PDHX: variants seen among roughly 807,000 people sequenced by gnomAD.
PDHX encodes pyruvate dehydrogenase complex component X.
In PDHX, 33 loss-of-function variants were observed where a neutral mutation model predicts 55.3. The ratio of observed to expected loss-of-function variants is 0.60; its 90% CI spans 0.45 to 0.80. The LOEUF (loss-of-function observed/expected upper bound fraction) is 0.80, where lower values mean the gene tolerates loss of function less well. Ranked by LOEUF, PDHX falls within the 30% of genes least tolerant of loss-of-function variation. PDHX has a pLI of 0.00. For synonymous variants in PDHX, 226 were observed against 219.4 expected, an observed-to-expected ratio of 1.03 and a Z score of -0.27; for missense variants, 622 against 619.9, an observed-to-expected ratio of 1.00 and a Z score of -0.04.
At chr11:34,945,193 A>G (rs908309554) in intron 2 of PDHX, among the ~76,000 whole-genome samples, 1 of 152,174 alleles carries the variant, frequency 6.6e-6, no homozygotes, top group African/African-American at 2.4e-5. Flanking sequence ...GAATATATCA[A>G]AGTTGTTAGC....
intron 3 of PDHX, among the ~76,000 whole-genome samples, chr11:34,955,630 A>T (rs1407120350): frequency 6.6e-6 from 1 of 152,190 alleles, no homozygotes; most frequent in Non-Finnish European, 1.5e-5. Context: ...AAAAATTGAA[A>T]TGATGATAAA....
chr11:34,924,188 ATAAC>A (rs1853962892), intron 1 of PDHX, among the ~76,000 whole-genome samples: 1 of 152,208 alleles, frequency 6.6e-6, no homozygotes, highest in African/African-American at 2.4e-5. Flanking sequence ...TCAAAAATAA[ATAAC>A]TAACATTTTT....
At chr11:34,952,109 C>T (rs1854787664) in intron 3 of PDHX, among the ~76,000 whole-genome samples, 1 of 152,064 alleles carries the variant, frequency 6.6e-6, no homozygotes, top group African/African-American at 2.4e-5. Flanking sequence ...GGATAAATTC[C>T]TCGACACATA....
chr11:34,936,624 CTGGCTGCAT>C (rs1452210044), intron 2 of PDHX, among the ~76,000 whole-genome samples: 1 of 151,818 alleles, frequency 6.6e-6, no homozygotes, highest in Non-Finnish European at 1.5e-5. Flanking sequence ...GCAGGTAGGT[CTGGCTGCAT>C]TGGGGACATA....
intron 1 of PDHX, among the ~76,000 whole-genome samples, chr11:34,922,350 A>C (rs1423511325): frequency 6.6e-6 from 1 of 152,174 alleles, no homozygotes; most frequent in Non-Finnish European, 1.5e-5. Context: ...ATTTGTTGAG[A>C]GCTTACTATA....
At chr11:34,965,524 A>G (rs982810450) in intron 5 of PDHX, among the ~76,000 whole-genome samples, 1 of 152,172 alleles carries the variant, frequency 6.6e-6, no homozygotes, top group Non-Finnish European at 1.5e-5. Context: ...GGAGCCTCAT[A>G]TATCTATAAA....
At chr11:34,921,214 T>C (rs1393865013) in intron 1 of PDHX, among the ~76,000 whole-genome samples, 1 of 152,178 alleles carries the variant, frequency 6.6e-6, no homozygotes, top group Admixed American at 6.5e-5. Flanking sequence ...ACCATAATTA[T>C]TCCATCTATT....
intron 1 of PDHX, among the ~76,000 whole-genome samples, chr11:34,928,398 G>A (rs551431505): frequency 6.7e-6 from 1 of 148,592 alleles, no homozygotes; most frequent in Non-Finnish European, 1.5e-5. Context: ...CTTTGTTTTC[G>A]AAAAGAGGCT....
At chr11:34,972,950 G>T (rs1004269055) in intron 7 of PDHX, among the ~76,000 whole-genome samples, 2 of 152,088 alleles carry the variant, frequency 1.3e-5, no homozygotes, top group African/African-American at 4.8e-5. Context: ...TTCTTGAAAA[G>T]AATTTTTTTA....
intron 6 of PDHX, among the ~76,000 whole-genome samples, chr11:34,967,851 C>A (rs1169538702): frequency 6.6e-6 from 1 of 152,138 alleles, no homozygotes; most frequent in African/African-American, 2.4e-5. Context: ...ACTTGAATAA[C>A]CTGCTCTTTA....
intron 4 of PDHX, among the ~76,000 whole-genome samples, chr11:34,959,533 AT>A (rs1854977314): frequency 6.6e-6 from 1 of 151,978 alleles, no homozygotes; most frequent in Non-Finnish European, 1.5e-5. Context: ...GGAAAACAGT[AT>A]GGCAGTTTCT....
intron 7 of PDHX, 65 bp downstream of exon 7, chr11:34,970,351 T>A: frequency 8.1e-7 from 1 of 1,240,938 alleles, no homozygotes; most frequent in Non-Finnish European, 1.2e-6. Context: ...AAATCCTTTA[T>A]AAAATTATAA....
At chr11:34,980,035 A>G (rs1479418167) in intron 8 of PDHX, among the ~76,000 whole-genome samples, 2 of 150,148 alleles carry the variant, frequency 1.3e-5, no homozygotes, top group Non-Finnish European at 3.0e-5. Flanking sequence ...TTCTTTCACC[A>G]TAATTACTGA....
Position 34,984,746 on chromosome 11 carries a change from G to C in PDHX, c.1182+18G>C, listed in dbSNP as rs756598910. The C allele has an allele frequency of 6.2e-7, 1 of 1,611,538 alleles. No homozygotes were observed. The highest frequency in any genetic ancestry group is 8.5e-7 in the Non-Finnish European group (1 of 1,177,724). On this transcript the variant is annotated intron_variant, in intron 9 of 10. Coordinates refer to ENST00000227868, the MANE Select transcript of PDHX (RefSeq NM_003477.3). ...CTGTAAAGGTATGTCTTAAGAAAGA[G>C]TGTGCTTTCAAAATGTTAGCATATA...
At chr11:34,932,366 G>T (rs1854198576) in intron 2 of PDHX, among the ~76,000 whole-genome samples, 1 of 152,122 alleles carries the variant, frequency 6.6e-6, no homozygotes, top group Non-Finnish European at 1.5e-5. Flanking sequence ...CTATCACAAA[G>T]GGTTAATATC....
intron 4 of PDHX, among the ~76,000 whole-genome samples, chr11:34,958,800 T>A (rs944100185): frequency 1.3e-5 from 2 of 152,174 alleles, no homozygotes; most frequent in African/African-American, 2.4e-5. Context: ...CATCAGAGAC[T>A]CGCATGAATC....
At position 34,983,220 on chromosome 11, in the gene PDHX, A is replaced by G. The variant is rs542415926; in HGVS notation, c.1024-1350A>G. ...CAGAAAAGGCCTTTGACAAAATTCA[A>G]CAACACTTCATGCTAAAAACTCTCA... On this transcript the variant is annotated intron_variant, in intron 8 of 10. Transcript: ENST00000227868. Among the ~76,000 whole-genome samples the G allele has an allele frequency of 4.6e-5, 7 of 152,346 alleles. No individual in the cohort carries two copies. The East Asian group carries it at 1.2e-3, about 25-fold the overall frequency.
chr11:34,947,755 G>A, intron 3 of PDHX, 149 bp downstream of exon 3: 1 of 642,362 alleles, frequency 1.6e-6, no homozygotes. Context: ...TGTTTAAAAT[G>A]TTTTAGAGTT....
At chr11:34,960,004 A>G (rs1003844983) in intron 4 of PDHX, among the ~76,000 whole-genome samples, 2 of 152,210 alleles carry the variant, frequency 1.3e-5, no homozygotes, top group Admixed American at 6.5e-5. Flanking sequence ...GATTGTACTA[A>G]ATGCCACTCA....
Sources: gnomAD v4.1 joint callset for allele counts (sites outside exome capture counted in the v4.1 genomes callset) on GRCh38, gnomAD v4.1.1 for gene constraint, MANE v1.5 for transcripts, NCBI Gene and HGNC (gene_info 2026-07-23, HGNC 2026-07-21) for gene names.